The following ABI3BP variants were observed in gnomAD, a reference collection of about 807,000 sequenced individuals.
The protein encoded by ABI3BP is ABI family member 3 binding protein.
In ABI3BP, 216 loss-of-function variants were observed where a neutral mutation model predicts 268.6. That is an observed-to-expected ratio of 0.80 (90% CI 0.72 to 0.90). The LOEUF is 0.90. ABI3BP is among the 40% of genes least tolerant of loss of function. The probability of loss-of-function intolerance (pLI) is 0.00; values close to 1 mark genes in which losing one functional copy is unlikely to be tolerated. For missense variants in ABI3BP, 2,090 were observed against 2,182.4 expected (o/e 0.96, Z 0.84); for synonymous variants, 730 against 730.0 (o/e 1.00, Z 0.00).
chr3:100,825,994 C>A, intron 34 of ABI3BP, 150 bp from the exon 35 acceptor site: 1 of 654,950 alleles, frequency 1.5e-6, no homozygotes, highest in South Asian at 1.8e-5. Flanking sequence ...ATTTCCACCC[C>A]TCACCCCCAA....
intron 1 of ABI3BP, among the ~76,000 whole-genome samples, chr3:100,966,646 T>C (rs980241258): frequency 6.6e-6 from 1 of 152,258 alleles, no homozygotes; most frequent in Non-Finnish European, 1.5e-5. Flanking sequence ...ATTAAATATA[T>C]GAATTACAGC....
intron 14 of ABI3BP, among the ~76,000 whole-genome samples, chr3:100,853,026 G>A (rs1249383546): frequency 1.2e-4 from 18 of 152,212 alleles, no homozygotes; most frequent in Admixed American, 6.5e-5. Context: ...ACAGGAAGAC[G>A]TAGTCATTGG....
chr3:100,823,324 A>C, intron 37 of ABI3BP, 134 bp downstream of exon 37: 1 of 707,686 alleles, frequency 1.4e-6, no homozygotes, highest in Non-Finnish European at 2.2e-6. Context: ...TAAAAACAAC[A>C]GTTAAGAGTC....
At chr3:100,896,304 G>A (rs1178679291) in intron 4 of ABI3BP, among the ~76,000 whole-genome samples, 2 of 152,148 alleles carry the variant, frequency 1.3e-5, no homozygotes, top group Non-Finnish European at 2.9e-5. Context: ...TAGAATCCTA[G>A]CTCCATTAGG....
At position 100,920,958 on chromosome 3, in the gene ABI3BP, AT is replaced by A. The variant is rs535021293; in HGVS notation, c.259+5343del. 2.0e-5 allele frequency among the ~76,000 whole-genome samples: 3 copies of A among 152,228 alleles called. No homozygotes were observed. In the South Asian group the frequency reaches 6.2e-4, roughly 32 times the overall value. On this transcript the variant is annotated intron_variant, in intron 2 of 67. Coordinates refer to ENST00000471714, the MANE Select transcript of ABI3BP (RefSeq NM_001375547.2). Reference sequence around the variant, plus strand: ...AAGACTGATCTTTCCTAGAACACAGATTTTAGCATCCTTGTCCAGGACTTTT... The same window carrying A: ...AAGACTGATCTTTCCTAGAACACAGATTTAGCATCCTTGTCCAGGACTTTT...
At chr3:100,790,757 C>T (rs1010707023) in intron 55 of ABI3BP, among the ~76,000 whole-genome samples, 7 of 151,856 alleles carry the variant, frequency 4.6e-5, no homozygotes, top group African/African-American at 1.7e-4. Context: ...GTTAATTTAG[C>T]CTATTTCTTC....
At chr3:100,801,640 T>G (rs993668315) in intron 51 of ABI3BP, among the ~76,000 whole-genome samples, 4 of 152,096 alleles carry the variant, frequency 2.6e-5, no homozygotes, top group Admixed American at 1.3e-4. Context: ...TTCTCATATT[T>G]GAGAAGACAT....
intron 17 of ABI3BP, 26 bp downstream of exon 17, chr3:100,850,019 A>G (rs749967271): frequency 1.9e-6 from 3 of 1,594,926 alleles, no homozygotes; most frequent in Non-Finnish European, 2.6e-6. Context: ...CAATGCATAC[A>G]TAACTACATA....
chr3:100,887,167 C>T (rs773591737), intron 4 of ABI3BP, among the ~76,000 whole-genome samples: 15 of 151,876 alleles, frequency 9.9e-5, no homozygotes, highest in Middle Eastern at 3.2e-3. Flanking sequence ...GTGGCAGAAT[C>T]GAAATACAAA....
At chr3:100,918,289 C>T (rs1051078113) in intron 2 of ABI3BP, among the ~76,000 whole-genome samples, 2 of 120,144 alleles carry the variant, frequency 1.7e-5, no homozygotes, top group African/African-American at 2.7e-5. Context: ...CCCGTCCACC[C>T]ATCCACCCAT....
intron 45 of ABI3BP, 40 bp from the exon 46 acceptor site, chr3:100,812,563 G>T: frequency 2.4e-6 from 3 of 1,245,302 alleles, no homozygotes; most frequent in East Asian, 3.0e-5. Flanking sequence ...ATAAAGGATA[G>T]GTTGTAAGTA....
intron 6 of ABI3BP, among the ~76,000 whole-genome samples, chr3:100,880,081 T>TA (rs988541175): frequency 6.6e-6 from 1 of 152,204 alleles, no homozygotes; most frequent in Admixed American, 6.5e-5. Flanking sequence ...TACAATGTTT[T>TA]AAAAAAACAT....
intron 14 of ABI3BP, among the ~76,000 whole-genome samples, chr3:100,853,196 G>A (rs989853025): frequency 6.6e-6 from 1 of 152,134 alleles, no homozygotes; most frequent in Admixed American, 6.5e-5. Flanking sequence ...AATGTGTGAA[G>A]GTGAATCTAC....
At chr3:100,894,407 C>T (rs562320261) in intron 4 of ABI3BP, among the ~76,000 whole-genome samples, 1 of 152,146 alleles carries the variant, frequency 6.6e-6, no homozygotes, top group South Asian at 2.1e-4. Flanking sequence ...TTACTTGGGG[C>T]CTCCTATGTT....
chr3:100,858,371 A>T (rs1301563683), intron 14 of ABI3BP, among the ~76,000 whole-genome samples: 1 of 152,220 alleles, frequency 6.6e-6, no homozygotes, highest in African/African-American at 2.4e-5. Flanking sequence ...TGCAGGAAGA[A>T]TATATTTGAT....
At chr3:100,914,701 G>A (rs1340083777) in intron 2 of ABI3BP, among the ~76,000 whole-genome samples, 2 of 152,318 alleles carry the variant, frequency 1.3e-5, no homozygotes, top group South Asian at 2.1e-4. Context: ...TGTGGGGAAA[G>A]GGGTATGGGA....
intron 2 of ABI3BP, among the ~76,000 whole-genome samples, chr3:100,920,560 T>C (rs1045327956): frequency 6.6e-6 from 1 of 152,010 alleles, no homozygotes; most frequent in Admixed American, 6.6e-5. Context: ...GTAGCTGGGA[T>C]TACAGGCACC....
chr3:100,845,341 A>G (rs2098754410), intron 20 of ABI3BP, among the ~76,000 whole-genome samples: 1 of 152,090 alleles, frequency 6.6e-6, no homozygotes, highest in South Asian at 2.1e-4. Flanking sequence ...TGACTTGGAG[A>G]CCTCATCCAT....
intron 1 of ABI3BP, among the ~76,000 whole-genome samples, chr3:100,972,648 T>C (rs932134934): frequency 6.6e-6 from 1 of 152,210 alleles, no homozygotes; most frequent in Non-Finnish European, 1.5e-5. Flanking sequence ...GATTCATTTT[T>C]TTTTCCTGAA....
Sources: allele counts gnomAD v4.1 joint callset (sites outside exome capture counted in the v4.1 genomes callset), GRCh38; gene constraint gnomAD v4.1.1; transcripts MANE v1.5; gene names NCBI Gene and HGNC (gene_info 2026-07-23, HGNC 2026-07-21).